The following ZBTB20 variants were observed in gnomAD, a reference collection of about 807,000 sequenced individuals.
The protein encoded by ZBTB20 is zinc finger and BTB domain-containing protein 20.
ZBTB20 carries 9 observed loss-of-function variants against 56.9 expected under a neutral mutation model. That is an observed-to-expected ratio of 0.16 (90% CI 0.10 to 0.28). The LOEUF (loss-of-function observed/expected upper bound fraction) is 0.28, where lower values mean the gene tolerates loss of function less well. Among genes scored for constraint, ZBTB20 ranks in the 10% least tolerant of loss-of-function variants. The pLI is 1.00. For synonymous variants in ZBTB20, 417 were observed against 420.7 expected, an observed-to-expected ratio of 0.99 and a Z score of 0.11; for missense variants, 655 against 1,003.0, an observed-to-expected ratio of 0.65 and a Z score of 4.69.
At chr3:114,697,164 T>C (rs1423911730) in intron 5 of ZBTB20, among the ~76,000 whole-genome samples, 1 of 151,010 alleles carries the variant, frequency 6.6e-6, no homozygotes, top group East Asian at 1.9e-4. Context: ...GATGGGTTTA[T>C]ATAACTGGCT....
At chr3:114,492,888 CAT>C (rs1384229969) in intron 7 of ZBTB20, among the ~76,000 whole-genome samples, 2 of 152,172 alleles carry the variant, frequency 1.3e-5, no homozygotes, top group Non-Finnish European at 2.9e-5. Flanking sequence ...TTTATATGCA[CAT>C]GAGTATGTGA....
At chr3:114,674,587 C>T (rs541482697) in intron 6 of ZBTB20, among the ~76,000 whole-genome samples, 1 of 149,790 alleles carries the variant, frequency 6.7e-6, no homozygotes, top group South Asian at 2.1e-4. Flanking sequence ...TGAAGGAGTA[C>T]TAGAAAATAA....
At chr3:114,596,413 T>C (rs1227524440) in intron 6 of ZBTB20, among the ~76,000 whole-genome samples, 2 of 152,162 alleles carry the variant, frequency 1.3e-5, no homozygotes, top group African/African-American at 4.8e-5. Context: ...ATGGGAAACA[T>C]GACATCATAT....
At chr3:114,589,459 A>G (rs546183527) in intron 6 of ZBTB20, among the ~76,000 whole-genome samples, 49 of 152,156 alleles carry the variant, frequency 3.2e-4, no homozygotes, top group Non-Finnish European at 5.9e-4. Flanking sequence ...AGCATTCTTA[A>G]TCTCTTTGAT....
chr3:114,878,783 C>T (rs182055934), intron 4 of ZBTB20, among the ~76,000 whole-genome samples: 355 of 152,118 alleles, frequency 2.3e-3, no homozygotes, highest in African/African-American at 8.1e-3. Flanking sequence ...ATTGAAAACA[C>T]ACAAAATAAC....
At chr3:114,344,954 C>T (rs546144275) in intron 11 of ZBTB20, among the ~76,000 whole-genome samples, 98 of 145,860 alleles carry the variant, frequency 6.7e-4, no homozygotes, top group African/African-American at 8.5e-4. Flanking sequence ...ATTCAGAAAA[C>T]GCCAAAATAT....
chr3:114,351,745 G>C lies in ZBTB20; in HGVS notation c.333C>G (p.His111Gln). ...AGCGGTGTGCGCGCAGCATGCTCCC[G>C]TGGATGCGCACCGTTACGTCACAGA... is the stretch of plus-strand genomic sequence containing the variant. ...GHFCDVTVRI[H>Q]GSMLRAHRCV... Residue 111 changes from histidine (H) to glutamine (Q), a missense_variant, in exon 11 of 12, where the codon CAC becomes CAG. This residue lies in a region of ZBTB20 where 57 missense variants were observed against 99.1 expected (regional missense o/e 0.58). Transcript: ENST00000675478. 1 of 1,614,092 alleles carries C rather than the reference G, an allele frequency of 6.2e-7. No individual in the cohort carries two copies. Among genetic ancestry groups the C allele is most frequent in the Non-Finnish European group, 8.5e-7 (1 of 1,180,026 alleles).
intron 7 of ZBTB20, among the ~76,000 whole-genome samples, chr3:114,399,940 A>G (rs1387276361): frequency 6.6e-6 from 1 of 152,166 alleles, no homozygotes; most frequent in Non-Finnish European, 1.5e-5. Flanking sequence ...AGTTCTCCCT[A>G]TCATGAGTTG....
intron 5 of ZBTB20, among the ~76,000 whole-genome samples, chr3:114,773,745 A>G (rs1203871876): frequency 6.6e-6 from 1 of 152,216 alleles, no homozygotes; most frequent in Non-Finnish European, 1.5e-5. Flanking sequence ...TGAAAAAAAG[A>G]GAAAGAAAGT....
At position 114,339,258 on chromosome 3, in the gene ZBTB20, C is replaced by T; in HGVS notation, c.1973G>A (p.Gly658Glu). 1.2e-6 allele frequency: 2 copies of T among 1,614,194 alleles called. No individual in the cohort carries two copies. Among genetic ancestry groups the T allele is most frequent in the South Asian group, 1.1e-5 (1 of 91,080 alleles). ...GATGTAGCACTCGTAGGACTTCTCT[C>T]CCCGGTGGAGGCGCATGTGCACGTT... ...SLNVHMRLHR[G>E]EKSYECYICK... is the part of the protein sequence containing the mutation. Residue 658 changes from glycine to glutamate, a missense_variant, in exon 12 of 12, where the codon GGA becomes GAA. Physicochemically the swap from Gly to Glu is moderately conservative, Grantham distance 98. Around this residue, in one of 10 missense-constraint regions of ZBTB20, gnomAD observed 15 missense variants for 35.8 expected, o/e 0.42. Transcript: ENST00000675478. This position sits in a 1 kb window ranked among gnomAD's most constrained non-coding sequence, Gnocchi z 4.2.
At chr3:114,688,909 A>G (rs1335793230) in intron 6 of ZBTB20, among the ~76,000 whole-genome samples, 1 of 152,210 alleles carries the variant, frequency 6.6e-6, no homozygotes, top group Non-Finnish European at 1.5e-5. Context: ...ATACATAACC[A>G]GTTCTCTATG....
chr3:114,686,948 T>TAACAAC (rs375580143), intron 6 of ZBTB20, among the ~76,000 whole-genome samples: 2 of 151,866 alleles, frequency 1.3e-5, no homozygotes, highest in Non-Finnish European at 2.9e-5. Context: ...ACAACAGCAA[T>TAACAAC]AACAACAACA....
intron 1 of ZBTB20, among the ~76,000 whole-genome samples, chr3:115,146,386 G>A (rs1304286335): frequency 7.1e-6 from 1 of 141,688 alleles, no homozygotes; most frequent in Admixed American, 7.1e-5. Flanking sequence ...CGGGGGGTGG[G>A]GGGAGGACCC....
At chr3:114,809,258 A>C (rs935815547) in intron 4 of ZBTB20, among the ~76,000 whole-genome samples, 6 of 152,006 alleles carry the variant, frequency 3.9e-5, no homozygotes, top group African/African-American at 7.2e-5. Flanking sequence ...ATTTCTTCAA[A>C]TATTTTTGAG....
intron 2 of ZBTB20, among the ~76,000 whole-genome samples, chr3:115,001,917 G>A (rs377516498): frequency 1.3e-5 from 2 of 151,312 alleles, no homozygotes; most frequent in African/African-American, 2.4e-5. Context: ...TATATGGAGA[G>A]GCAAAAGATC....
intron 11 of ZBTB20, among the ~76,000 whole-genome samples, chr3:114,340,072 A>C (rs1361916722): frequency 1.3e-5 from 2 of 152,138 alleles, no homozygotes; most frequent in Non-Finnish European, 2.9e-5. Flanking sequence ...CTTAAGGGTT[A>C]ATTGCCTGTT....
chr3:115,064,963 C>G (rs1461006087), intron 2 of ZBTB20, among the ~76,000 whole-genome samples: 2 of 152,122 alleles, frequency 1.3e-5, no homozygotes, highest in African/African-American at 4.8e-5. Flanking sequence ...CTCAGAAGAT[C>G]CTTCCAAACT....
chr3:115,029,155 A>G (rs1254067692), intron 2 of ZBTB20, among the ~76,000 whole-genome samples: 2 of 150,910 alleles, frequency 1.3e-5, no homozygotes, highest in Non-Finnish European at 3.0e-5. Flanking sequence ...AAAAATAAAA[A>G]CTACATAGAA....
intron 2 of ZBTB20, among the ~76,000 whole-genome samples, chr3:115,040,925 G>A (rs1476838464): frequency 3.3e-5 from 5 of 152,168 alleles, no homozygotes; most frequent in Middle Eastern, 3.4e-3. Context: ...TACTATTTCT[G>A]AGCCTGTATT....
Sources: gnomAD v4.1 joint callset for allele counts (sites outside exome capture counted in the v4.1 genomes callset) on GRCh38, gnomAD v4.1.1 for gene constraint, gnomAD v4.1.1 regional missense constraint, Gnocchi (gnomAD v3.1) non-coding constraint, MANE v1.5 for transcripts, NCBI Gene and HGNC (gene_info 2026-07-23, HGNC 2026-07-21) for gene names.